Variants in ARHGAP6 observed in about 807,000 individuals in gnomAD.
ARHGAP6 encodes the protein Rho GTPase activating protein 6.
In ARHGAP6, 16 loss-of-function variants were observed where a neutral mutation model predicts 55.7. That is an observed-to-expected ratio of 0.29 (90% CI 0.19 to 0.44). The LOEUF (loss-of-function observed/expected upper bound fraction) is 0.44, where lower values mean the gene tolerates loss of function less well. Ranked by LOEUF, ARHGAP6 falls within the 20% of genes least tolerant of loss-of-function variation. The pLI is 1.00. For missense variants in ARHGAP6, 698 were observed against 808.9 expected (o/e 0.86, Z 1.66); for synonymous variants, 382 against 360.9 (o/e 1.06, Z -0.66).
intron 1 of ARHGAP6, among the ~76,000 whole-genome samples, chrX:11,618,652 A>T (rs972851781): frequency 1.8e-5 from 2 of 112,387 alleles, no homozygotes; most frequent in African/African-American, 6.5e-5. Context: ...AGAGAAAAAG[A>T]AGATAAAGTT....
At chrX:11,256,544 T>G (rs2047496915) in intron 1 of ARHGAP6, among the ~76,000 whole-genome samples, 1 of 112,104 alleles carries the variant, frequency 8.9e-6, no homozygotes, top group Admixed American at 9.4e-5. Flanking sequence ...AATTCTTTGA[T>G]ATTTTCCCTC....
intron 1 of ARHGAP6, among the ~76,000 whole-genome samples, chrX:11,332,814 G>T (rs754917595): frequency 6.0e-4 from 67 of 112,132 alleles, no homozygotes; most frequent in African/African-American, 2.1e-3. Flanking sequence ...GTATGTGTGT[G>T]TATTTAGTTA....
intron 1 of ARHGAP6, among the ~76,000 whole-genome samples, chrX:11,481,355 C>T (rs1171646040): frequency 8.9e-6 from 1 of 112,278 alleles, no homozygotes; most frequent in African/African-American, 3.2e-5. Flanking sequence ...TAATCCAACT[C>T]CATATAATCA....
intron 1 of ARHGAP6, among the ~76,000 whole-genome samples, chrX:11,567,566 A>AATATATATATATATATAT (rs1556078452): frequency 5.9e-5 from 5 of 84,387 alleles, no homozygotes; most frequent in African/African-American, 1.9e-4. Flanking sequence ...AAAAAAAAAA[A>AATATATATATATATATAT]ATATATATAT....
At chrX:11,532,262 G>C (rs1419494448) in intron 1 of ARHGAP6, among the ~76,000 whole-genome samples, 1 of 112,457 alleles carries the variant, frequency 8.9e-6, no homozygotes, top group Non-Finnish European at 1.9e-5. Flanking sequence ...ATATGTTCAC[G>C]AACATGTGCG....
intron 1 of ARHGAP6, among the ~76,000 whole-genome samples, chrX:11,639,599 T>C (rs903772626): frequency 1.8e-5 from 2 of 111,447 alleles, no homozygotes; most frequent in African/African-American, 6.5e-5. Context: ...CAAAAAAATA[T>C]GCCTTCTTGA....
chrX:11,427,797 C>A (rs1482494909), intron 1 of ARHGAP6: 18 of 713,863 alleles, frequency 2.5e-5, no homozygotes, highest in Non-Finnish European at 2.9e-5. Context: ...AAGGCAGCGG[C>A]GCGAAGGGGG....
chrX:11,514,225 G>A (rs928988411), intron 1 of ARHGAP6, among the ~76,000 whole-genome samples: 6 of 103,929 alleles, frequency 5.8e-5, no homozygotes, highest in African/African-American at 1.8e-4. Context: ...GAATTCCTGA[G>A]TGACTTCTTG....
At chrX:11,354,606 T>C (rs2048911159) in intron 1 of ARHGAP6, among the ~76,000 whole-genome samples, 1 of 110,325 alleles carries the variant, frequency 9.1e-6, no homozygotes, top group African/African-American at 3.3e-5. Context: ...TCCACTTTTC[T>C]TCCATTACCA....
chrX:11,348,934 A>G (rs756311440), intron 1 of ARHGAP6, among the ~76,000 whole-genome samples: 2 of 111,625 alleles, frequency 1.8e-5, no homozygotes, highest in Non-Finnish European at 3.8e-5. Context: ...CTGAGATTCA[A>G]GATTCTCCTC....
At chrX:11,532,409 T>C (rs1328023384) in intron 1 of ARHGAP6, among the ~76,000 whole-genome samples, 2 of 112,396 alleles carry the variant, frequency 1.8e-5, no homozygotes, top group African/African-American at 6.5e-5. Context: ...TGCTATGTGT[T>C]CACCAAAACC....
intron 1 of ARHGAP6, among the ~76,000 whole-genome samples, chrX:11,621,767 A>G (rs997383129): frequency 7.2e-5 from 8 of 111,706 alleles, no homozygotes; most frequent in Non-Finnish European, 7.5e-5. Context: ...TTCCAGAATC[A>G]GAAAAAAATG....
intron 1 of ARHGAP6, among the ~76,000 whole-genome samples, chrX:11,388,837 T>C (rs2049366162): frequency 8.9e-6 from 1 of 112,200 alleles, no homozygotes; most frequent in Admixed American, 9.5e-5. Flanking sequence ...TTGTAAACTA[T>C]CAATTATTTT....
chrX:11,374,156 AC>A (rs1241574642), intron 1 of ARHGAP6, among the ~76,000 whole-genome samples: 1 of 111,484 alleles, frequency 9.0e-6, no homozygotes, highest in Non-Finnish European at 1.9e-5. Context: ...TGGCCTAGCT[AC>A]CCTCTCCGTG....
intron 1 of ARHGAP6, among the ~76,000 whole-genome samples, chrX:11,287,176 C>T (rs1245182638): frequency 8.9e-6 from 1 of 112,320 alleles, no homozygotes; most frequent in Non-Finnish European, 1.9e-5. Flanking sequence ...TTTTGAATAG[C>T]TGTAGGTTTC....
At chrX:11,182,991 A>G (rs1309754961) in intron 5 of ARHGAP6, among the ~76,000 whole-genome samples, 2 of 111,521 alleles carry the variant, frequency 1.8e-5, no homozygotes, top group Non-Finnish European at 3.8e-5. Context: ...CACACTGCAT[A>G]TATATAATAT....
At chrX:11,511,918 C>G (rs1394267156) in intron 1 of ARHGAP6, among the ~76,000 whole-genome samples, 1 of 111,338 alleles carries the variant, frequency 9.0e-6, no homozygotes, top group Non-Finnish European at 1.9e-5. Flanking sequence ...GCTCTGCCTC[C>G]CGGGTTCACA....
At chrX:11,529,062 T>C (rs1364981014) in intron 1 of ARHGAP6, among the ~76,000 whole-genome samples, 1 of 111,528 alleles carries the variant, frequency 9.0e-6, no homozygotes, top group Non-Finnish European at 1.9e-5. Flanking sequence ...ACAATCTCCC[T>C]CTCCCCCATC....
intron 1 of ARHGAP6, among the ~76,000 whole-genome samples, chrX:11,523,155 G>A (rs1603241639): frequency 8.9e-6 from 1 of 111,835 alleles, no homozygotes; most frequent in Non-Finnish European, 1.9e-5. Flanking sequence ...TTCAATAGAT[G>A]CAGAAAAGGC....
Sources: allele counts gnomAD v4.1 joint callset (sites outside exome capture counted in the v4.1 genomes callset), GRCh38; gene constraint gnomAD v4.1.1; transcripts MANE v1.5; gene names NCBI Gene and HGNC (gene_info 2026-07-23, HGNC 2026-07-21).